The following XKR4 variants were observed in gnomAD, a reference collection of about 807,000 sequenced individuals.
The protein encoded by XKR4 is XK related 4.
XKR4 carries 12 observed loss-of-function variants against 53.9 expected under a neutral mutation model. The ratio of observed to expected loss-of-function variants is 0.22; its 90% CI spans 0.14 to 0.36. XKR4 has a LOEUF of 0.36. XKR4 is among the 10% of genes least tolerant of loss of function. The pLI is 1.00. For synonymous variants in XKR4, 354 were observed against 362.4 expected (o/e 0.98, Z 0.26); for missense variants, 799 against 859.5 (o/e 0.93, Z 0.88).
intron 1 of XKR4, among the ~76,000 whole-genome samples, chr8:55,217,984 T>C (rs1817829298): frequency 6.6e-6 from 1 of 152,218 alleles, no homozygotes; most frequent in Non-Finnish European, 1.5e-5. Flanking sequence ...TTTATAATTC[T>C]TCTCTGTGCC....
At chr8:55,273,142 C>CTGTGTGTGTGTGTG (rs5891567) in intron 1 of XKR4, among the ~76,000 whole-genome samples, 11 of 147,558 alleles carry the variant, frequency 7.5e-5, no homozygotes, top group African/African-American at 2.8e-4. Context: ...GAAAAGAGGA[C>CTGTGTGTGTGTGTG]TGTGTGTGTG....
intron 1 of XKR4, among the ~76,000 whole-genome samples, chr8:55,289,669 AAAAGAAAGAG>A (rs1483115132): frequency 1.3e-5 from 1 of 74,094 alleles, no homozygotes; most frequent in Non-Finnish European, 3.6e-5. Flanking sequence ...AAAAGAAAAG[AAAAGAAAGAG>A]AAAGAAAGAA....
chr8:55,441,731 G>A (rs1260710168), intron 2 of XKR4, among the ~76,000 whole-genome samples: 1 of 152,076 alleles, frequency 6.6e-6, no homozygotes, highest in Non-Finnish European at 1.5e-5. Flanking sequence ...CAGTTAAAAG[G>A]CATAATTCTC....
chr8:55,460,425 T>A (rs1805637105), intron 2 of XKR4, among the ~76,000 whole-genome samples: 1 of 152,210 alleles, frequency 6.6e-6, no homozygotes, highest in Non-Finnish European at 1.5e-5. Context: ...TGGCTTTAAA[T>A]TATGCATCAA....
intron 1 of XKR4, among the ~76,000 whole-genome samples, chr8:55,328,621 A>G (rs550322776): frequency 6.6e-6 from 1 of 152,310 alleles, no homozygotes; most frequent in Admixed American, 6.5e-5. Context: ...AGATGGGTTC[A>G]CATTGCACAG....
chr8:55,115,613 T>C (rs1003257703), intron 1 of XKR4, among the ~76,000 whole-genome samples: 3 of 152,052 alleles, frequency 2.0e-5, no homozygotes, highest in Non-Finnish European at 4.4e-5. Flanking sequence ...TGAAACCTCA[T>C]CTCTACTCAA....
chr8:55,407,906 G>T (rs1388797366), intron 2 of XKR4, among the ~76,000 whole-genome samples: 1 of 152,134 alleles, frequency 6.6e-6, no homozygotes, highest in Non-Finnish European at 1.5e-5. Context: ...GCAAAGAAAG[G>T]CCTTAAAGAG....
intron 1 of XKR4, among the ~76,000 whole-genome samples, chr8:55,161,185 A>G (rs1474327918): frequency 6.6e-6 from 1 of 152,190 alleles, no homozygotes; most frequent in Non-Finnish European, 1.5e-5. Context: ...GCACGTGGCC[A>G]TGCACAGGAG....
chr8:55,451,937 G>A (rs1805454383), intron 2 of XKR4: 1 of 775,956 alleles, frequency 1.3e-6, no homozygotes, highest in African/African-American at 1.7e-5. Flanking sequence ...GAGGGCGGCT[G>A]GCTCCAGTGC....
chr8:55,479,217 A>G (rs1806059524), intron 2 of XKR4, among the ~76,000 whole-genome samples: 1 of 152,144 alleles, frequency 6.6e-6, no homozygotes, highest in Admixed American at 6.5e-5. Flanking sequence ...CCACAGTGCA[A>G]TCAAACTAGA....
intron 1 of XKR4, among the ~76,000 whole-genome samples, chr8:55,332,132 A>G (rs1308807818): frequency 1.3e-5 from 2 of 151,972 alleles, no homozygotes; most frequent in Non-Finnish European, 2.9e-5. Context: ...TTTGGTTACC[A>G]TAGGGATTAC....
At position 55,319,456 on chromosome 8, in the gene XKR4, TG is replaced by T. The variant is rs1803173173; in HGVS notation, c.807-38221del. Among the ~76,000 whole-genome samples, 4 of 152,336 alleles carry T rather than the reference TG, an allele frequency of 2.6e-5. No homozygotes were observed. In the South Asian group the frequency reaches 8.3e-4, roughly 32 times the overall value. On this transcript the variant is annotated intron_variant, in intron 1 of 2. Transcript: ENST00000327381. Reference sequence around the variant, plus strand: ...ATACCATTGAACTCCAAAAGGTTATTGCAGTGAAGTCATTTGCGATGTTTCT... The same window carrying T: ...ATACCATTGAACTCCAAAAGGTTATTCAGTGAAGTCATTTGCGATGTTTCT...
intron 2 of XKR4, among the ~76,000 whole-genome samples, chr8:55,429,968 CAT>C (rs1805075678): frequency 6.6e-6 from 1 of 152,036 alleles, no homozygotes; most frequent in South Asian, 2.1e-4. Flanking sequence ...CTAGCTGGGA[CAT>C]GGGCAAATGA....
chr8:55,337,353 T>A (rs1238191883), intron 1 of XKR4, among the ~76,000 whole-genome samples: 1 of 152,226 alleles, frequency 6.6e-6, no homozygotes, highest in Non-Finnish European at 1.5e-5. Flanking sequence ...CCAGTTTTTA[T>A]ATTTTCTTTA....
chr8:55,516,917 T>C (rs1806721601), intron 2 of XKR4, among the ~76,000 whole-genome samples: 1 of 152,286 alleles, frequency 6.6e-6, no homozygotes, highest in South Asian at 2.1e-4. Context: ...ATATGGTACA[T>C]GTACACCATG....
chr8:55,359,654 T>A (rs1803871671), intron 2 of XKR4, among the ~76,000 whole-genome samples: 1 of 152,176 alleles, frequency 6.6e-6, no homozygotes. Flanking sequence ...GGTCACTGAG[T>A]ATCTCTACTA....
intron 2 of XKR4, among the ~76,000 whole-genome samples, chr8:55,369,370 G>A (rs1412767521): frequency 1.2e-4 from 6 of 51,874 alleles, no homozygotes; most frequent in Admixed American, 9.3e-4. Flanking sequence ...GGAAGGGAAG[G>A]GGAGGGGAGG....
chr8:55,220,104 T>A (rs1817861493), intron 1 of XKR4, among the ~76,000 whole-genome samples: 1 of 152,202 alleles, frequency 6.6e-6, no homozygotes, highest in South Asian at 2.1e-4. Flanking sequence ...GGTGAGGTGA[T>A]AGATATGTCA....
chr8:55,482,269 C>G (rs1806121128), intron 2 of XKR4, among the ~76,000 whole-genome samples: 1 of 152,014 alleles, frequency 6.6e-6, no homozygotes, highest in South Asian at 2.1e-4. Context: ...AGCTGGAAAC[C>G]ATCATTCTCA....
Sources: allele counts gnomAD v4.1 joint callset (sites outside exome capture counted in the v4.1 genomes callset), GRCh38; gene constraint gnomAD v4.1.1; transcripts MANE v1.5; gene names NCBI Gene and HGNC (gene_info 2026-07-23, HGNC 2026-07-21).